COL4A2: variants seen among roughly 807,000 people sequenced by gnomAD.
The protein encoded by COL4A2 is collagen type IV alpha 2 chain.
Under a neutral mutation model 200.2 loss-of-function variants are expected in COL4A2, and 99 were observed. The ratio of observed to expected loss-of-function variants is 0.49; its 90% CI spans 0.42 to 0.58. The LOEUF is 0.58. Among genes scored for constraint, COL4A2 ranks in the 20% least tolerant of loss-of-function variants. The pLI is 0.00. For missense variants in COL4A2, 1,950 were observed against 2,314.1 expected, an observed-to-expected ratio of 0.84 and a Z score of 3.23; for synonymous variants, 897 against 900.6, an observed-to-expected ratio of 1.00 and a Z score of 0.07.
chr13:110,363,142 C>T, intron 4 of COL4A2, among the ~76,000 whole-genome samples: 1 of 152,228 alleles, frequency 6.6e-6, no homozygotes, highest in Non-Finnish European at 1.5e-5. Flanking sequence ...GAACCCACGT[C>T]ATCAGCCCCT....
chr13:110,385,497 G>GC (rs1566504963), intron 4 of COL4A2, among the ~76,000 whole-genome samples: 1 of 150,888 alleles, frequency 6.6e-6, no homozygotes, highest in Non-Finnish European at 1.5e-5. Flanking sequence ...ATAGGCCGTG[G>GC]TTACAGTGTG....
At chr13:110,336,227 T>G (rs1238933905) in intron 3 of COL4A2, among the ~76,000 whole-genome samples, 1 of 152,244 alleles carries the variant, frequency 6.6e-6, no homozygotes, top group Non-Finnish European at 1.5e-5. Flanking sequence ...CTGATGGCTC[T>G]CTTTGATAAT....
chr13:110,403,662 A>G (rs1594194087), intron 4 of COL4A2, among the ~76,000 whole-genome samples: 1 of 152,174 alleles, frequency 6.6e-6, no homozygotes, highest in African/African-American at 2.4e-5. Context: ...GGTTCTGTTC[A>G]TGGCCATGTA....
intron 4 of COL4A2, among the ~76,000 whole-genome samples, chr13:110,368,975 G>A (rs377559213): frequency 2.9e-4 from 44 of 152,246 alleles, no homozygotes; most frequent in African/African-American, 6.5e-4. Flanking sequence ...TTGGGAGGCC[G>A]AGGAGGGCGG....
Position 110,324,394 on chromosome 13 carries a change from G to C in COL4A2, c.99+16271G>C, listed in dbSNP as rs114368517. 6.7e-3 allele frequency among the ~76,000 whole-genome samples: 1,015 copies of C among 152,334 alleles called. 19 individuals carry two copies. The highest frequency in any genetic ancestry group is 0.023 in the African/African-American group (956 of 41,570). On this transcript the variant is annotated intron_variant, in intron 3 of 47. Coordinates refer to ENST00000360467, the MANE Select transcript of COL4A2 (RefSeq NM_001846.4). Reference sequence around the variant, plus strand: ...TTGACACCTGTCCTGCTGGGCTCTTGATATTGAGGCTACTGGAGGAAGGAG... The same window carrying C: ...TTGACACCTGTCCTGCTGGGCTCTTCATATTGAGGCTACTGGAGGAAGGAG...
intron 6 of COL4A2, among the ~76,000 whole-genome samples, chr13:110,427,529 T>C (rs1011233411): frequency 2.0e-5 from 3 of 152,222 alleles, no homozygotes; most frequent in Non-Finnish European, 4.4e-5. Flanking sequence ...CAAAAATCAC[T>C]CTGGAATATA....
intron 4 of COL4A2, among the ~76,000 whole-genome samples, chr13:110,391,023 A>C (rs1878965817): frequency 6.6e-6 from 1 of 152,264 alleles, no homozygotes; most frequent in Non-Finnish European, 1.5e-5. Flanking sequence ...TCATCAACTT[A>C]AGGAAGAAAC....
intron 4 of COL4A2, among the ~76,000 whole-genome samples, chr13:110,383,549 T>TA (rs1878570345): frequency 6.7e-6 from 1 of 150,208 alleles, no homozygotes; most frequent in East Asian, 2.0e-4. Flanking sequence ...ATACACATAA[T>TA]AAACCAAGAT....
chr13:110,485,907 T>C, intron 34 of COL4A2, 71 bp downstream of exon 34: 2 of 1,584,820 alleles, frequency 1.3e-6, no homozygotes, highest in Non-Finnish European at 1.7e-6. Context: ...GGACATGCTT[T>C]GGTCTGGAAT....
chr13:110,315,695 C>A (rs962633032), intron 3 of COL4A2, among the ~76,000 whole-genome samples: 3 of 152,210 alleles, frequency 2.0e-5, no homozygotes, highest in African/African-American at 7.2e-5. Context: ...CACGCCCTGC[C>A]ATCATCCACT....
intron 19 of COL4A2, 74 bp from the exon 20 acceptor site, chr13:110,450,231 C>T: frequency 1.4e-6 from 2 of 1,398,248 alleles, no homozygotes; most frequent in Non-Finnish European, 1.0e-6. Flanking sequence ...CAGTGGGCCC[C>T]TCTGGACACG....
intron 34 of COL4A2, among the ~76,000 whole-genome samples, chr13:110,486,102 C>A (rs2139529736): frequency 6.6e-6 from 1 of 150,914 alleles, no homozygotes; most frequent in East Asian, 1.9e-4. Flanking sequence ...TTCATGGTGG[C>A]CTTGAGAGAA....
At chr13:110,405,051 G>T (rs919588972) in intron 4 of COL4A2, among the ~76,000 whole-genome samples, 8 of 152,186 alleles carry the variant, frequency 5.3e-5, no homozygotes, top group African/African-American at 1.9e-4. Context: ...GGAGGTTGAG[G>T]CTGCAGTGAG....
chr13:110,477,331 A>G (rs1389924891), intron 29 of COL4A2, among the ~76,000 whole-genome samples: 2 of 152,268 alleles, frequency 1.3e-5, no homozygotes, highest in Admixed American at 6.5e-5. Flanking sequence ...CATGACTGCC[A>G]GGGTTCCATT....
intron 7 of COL4A2, among the ~76,000 whole-genome samples, chr13:110,428,867 G>C (rs979313539): frequency 1.3e-5 from 2 of 152,124 alleles, no homozygotes; most frequent in African/African-American, 4.8e-5. Flanking sequence ...AATCGTAAAC[G>C]CAAATTAAAA....
intron 37 of COL4A2, 72 bp from the exon 38 acceptor site, chr13:110,491,998 C>T (rs1387396589): frequency 1.5e-6 from 2 of 1,365,536 alleles, no homozygotes; most frequent in Non-Finnish European, 2.0e-6. Context: ...GGCTGCCCCT[C>T]CTGCCAGGAC....
intron 8 of COL4A2, 85 bp from the exon 9 acceptor site, chr13:110,430,316 C>G (rs564164052): frequency 1.3e-6 from 2 of 1,558,724 alleles, no homozygotes; most frequent in East Asian, 2.2e-5. Flanking sequence ...GTTTGATATG[C>G]TTATTTCCAA....
chr13:110,475,483 C>T (rs2139516246), intron 29 of COL4A2, among the ~76,000 whole-genome samples: 1 of 152,298 alleles, frequency 6.6e-6, no homozygotes, highest in Non-Finnish European at 1.5e-5. Context: ...TTACTTCCTG[C>T]AGGCTTCAGA....
At chr13:110,460,221 G>C (rs757817331) in intron 22 of COL4A2, among the ~76,000 whole-genome samples, 1 of 152,200 alleles carries the variant, frequency 6.6e-6, no homozygotes, top group African/African-American at 2.4e-5. Flanking sequence ...CCGCAGAGCT[G>C]TGTTGCTGAC....
Sources: gnomAD v4.1 joint callset for allele counts (sites outside exome capture counted in the v4.1 genomes callset) on GRCh38, gnomAD v4.1.1 for gene constraint, MANE v1.5 for transcripts, NCBI Gene and HGNC (gene_info 2026-07-23, HGNC 2026-07-21) for gene names.